ATP10A: variants seen among roughly 807,000 people sequenced by gnomAD.
ATP10A encodes phospholipid-transporting ATPase VA.
Under a neutral mutation model 147.8 loss-of-function variants are expected in ATP10A, and 111 were observed. The observed-to-expected ratio is 0.75, with a 90% confidence interval of 0.64 to 0.88. ATP10A has a LOEUF of 0.88. Ranked by LOEUF, ATP10A falls within the 40% of genes least tolerant of loss-of-function variation. The probability of loss-of-function intolerance (pLI) is 0.00; values close to 1 mark genes in which losing one functional copy is unlikely to be tolerated. For synonymous variants in ATP10A, 875 were observed against 841.6 expected, an observed-to-expected ratio of 1.04 and a Z score of -0.69; for missense variants, 1,927 against 1,959.0, an observed-to-expected ratio of 0.98 and a Z score of 0.31.
intron 2 of ATP10A, among the ~76,000 whole-genome samples, chr15:25,746,864 T>G (rs1887868201): frequency 6.6e-6 from 1 of 152,204 alleles, no homozygotes; most frequent in Non-Finnish European, 1.5e-5. Flanking sequence ...TGTTGGCATA[T>G]GACACCCAAA....
At chr15:25,819,510 A>G (rs1209922812) in intron 1 of ATP10A, among the ~76,000 whole-genome samples, 2 of 152,112 alleles carry the variant, frequency 1.3e-5, no homozygotes, top group Non-Finnish European at 2.9e-5. Flanking sequence ...GGAAAACAAT[A>G]TGGAGATTTC....
intron 7 of ATP10A, among the ~76,000 whole-genome samples, chr15:25,719,479 C>T (rs2014016): frequency 0.47 from 71,486 of 151,936 alleles, 17,026 homozygotes; most frequent in East Asian, 0.73. Flanking sequence ...GAAGCAAGGA[C>T]GCACAGAACC....
intron 2 of ATP10A, among the ~76,000 whole-genome samples, chr15:25,765,216 G>T (rs1005590723): frequency 2.0e-5 from 3 of 152,110 alleles, no homozygotes; most frequent in African/African-American, 7.2e-5. Flanking sequence ...TGGTGGCTTC[G>T]TGGAGAGACA....
intron 2 of ATP10A, among the ~76,000 whole-genome samples, chr15:25,753,161 G>T (rs1028578843): frequency 5.9e-5 from 9 of 151,932 alleles, no homozygotes; most frequent in African/African-American, 1.9e-4. Context: ...ACTATATTCA[G>T]CACACTGTAC....
intron 1 of ATP10A, among the ~76,000 whole-genome samples, chr15:25,844,291 G>A (rs1046142249): frequency 1.3e-5 from 2 of 152,148 alleles, no homozygotes; most frequent in South Asian, 2.1e-4. Flanking sequence ...TCCACGGCAC[G>A]TCTTTGCCAG....
intron 10 of ATP10A, chr15:25,709,689 G>A (rs1480308475): frequency 6.6e-6 from 1 of 152,316 alleles, no homozygotes; most frequent in African/African-American, 2.4e-5. Flanking sequence ...TAGTGACAGG[G>A]AGCACCTGGC....
intron 13 of ATP10A, among the ~76,000 whole-genome samples, chr15:25,697,661 C>G (rs1190733379): frequency 6.6e-6 from 1 of 152,224 alleles, no homozygotes; most frequent in Non-Finnish European, 1.5e-5. Flanking sequence ...AAAAAGCTCA[C>G]TGGATTCTAA....
At position 25,713,640 on chromosome 15, in the gene ATP10A, G is replaced by C. The variant is rs758971424; in HGVS notation, c.2344+34C>G. On this transcript the variant is annotated intron_variant, in intron 10 of 20. Coordinates refer to ENST00000555815, the MANE Select transcript of ATP10A (RefSeq NM_024490.4). ...GATATTTCTCAGGACCTCCTCCCCC[G>C]AGCTGGGGTGCAGCTGGGCAGGGGT... is the stretch of plus-strand genomic sequence containing the variant. 4 of 1,598,526 alleles carry C rather than the reference G, an allele frequency of 2.5e-6. No homozygotes were observed. The East Asian group carries it at 6.7e-5, about 27-fold the overall frequency.
intron 1 of ATP10A, among the ~76,000 whole-genome samples, chr15:25,809,688 T>G (rs1346770749): frequency 7.3e-6 from 1 of 137,308 alleles, no homozygotes; most frequent in Non-Finnish European, 1.6e-5. Flanking sequence ...AGAACAGTGC[T>G]GTTCCCCACA....
chr15:25,674,644 G>C (rs950449019), downstream of ATP10A, among the ~76,000 whole-genome samples: 2 of 152,230 alleles, frequency 1.3e-5, no homozygotes, highest in Admixed American at 1.3e-4. Context: ...TTATTTGCTG[G>C]ACAGCTGGTC....
chr15:25,704,128 G>A (rs949006145), intron 12 of ATP10A, among the ~76,000 whole-genome samples: 6 of 152,222 alleles, frequency 3.9e-5, no homozygotes, highest in East Asian at 1.9e-4. Context: ...TGTGTGGCCC[G>A]TGTCCCTGGC....
At chr15:25,801,032 A>G (rs1261063570) in intron 1 of ATP10A, among the ~76,000 whole-genome samples, 1 of 152,020 alleles carries the variant, frequency 6.6e-6, no homozygotes, top group Non-Finnish European at 1.5e-5. Flanking sequence ...CCTTTTACAA[A>G]ACTAAAAGAG....
chr15:25,826,511 G>A (rs1049821161), intron 1 of ATP10A, among the ~76,000 whole-genome samples: 19 of 152,168 alleles, frequency 1.2e-4, no homozygotes, highest in African/African-American at 3.6e-4. Context: ...GCAGTGAGCC[G>A]ATATTGCACC....
At chr15:25,683,615 CAA>C (rs997566421) in intron 16 of ATP10A, 129 bp from the exon 17 acceptor site, 1 of 889,836 alleles carries the variant, frequency 1.1e-6, no homozygotes, top group Non-Finnish European at 1.7e-6. Flanking sequence ...CGATTTCTGC[CAA>C]AGACAGCCAT....
At chr15:25,791,623 G>A (rs1890432178) in intron 1 of ATP10A, among the ~76,000 whole-genome samples, 1 of 152,118 alleles carries the variant, frequency 6.6e-6, no homozygotes, top group Non-Finnish European at 1.5e-5. Context: ...CTGGGCTCCA[G>A]CAATTCTCCC....
chr15:25,688,454 T>G (rs564142048), intron 15 of ATP10A, among the ~76,000 whole-genome samples: 6 of 152,164 alleles, frequency 3.9e-5, no homozygotes, highest in Non-Finnish European at 8.8e-5. Flanking sequence ...GAGCCTGCCA[T>G]GGAAGCTTCC....
chr15:25,716,325 G>A (rs867353041), intron 9 of ATP10A, among the ~76,000 whole-genome samples: 2 of 150,420 alleles, frequency 1.3e-5, no homozygotes, highest in Middle Eastern at 3.4e-3. Flanking sequence ...GAGGCTCGGG[G>A]AGGTTGTCCT....
chr15:25,840,440 A>G (rs4309366), intron 1 of ATP10A, among the ~76,000 whole-genome samples: 98,590 of 151,550 alleles, frequency 0.65, 33,060 homozygotes, highest in Admixed American at 0.74. Context: ...TCCATTCACC[A>G]AAATCTCCCT....
rs1181079000 is a variant in ATP10A, at chr15:25,711,942, G to A, written c.2344+1732C>T. 3.3e-5 allele frequency among the ~76,000 whole-genome samples: 5 copies of A among 152,262 alleles called. 1 individual carries two copies. The highest frequency in any genetic ancestry group is 3.9e-4 in the East Asian group (2 of 5,146). On this transcript the variant is annotated intron_variant, in intron 10 of 20. Coordinates refer to ENST00000555815, the MANE Select transcript of ATP10A (RefSeq NM_024490.4). Reference sequence around the variant, plus strand: ...GTGCCTTCCCAACTTGCAGACAAACGAGGAAATCCCTGGCTCACTCAGGGG... The same window carrying A: ...GTGCCTTCCCAACTTGCAGACAAACAAGGAAATCCCTGGCTCACTCAGGGG...
Sources: allele counts gnomAD v4.1 joint callset (sites outside exome capture counted in the v4.1 genomes callset), GRCh38; gene constraint gnomAD v4.1.1; transcripts MANE v1.5; gene names NCBI Gene and HGNC (gene_info 2026-07-23, HGNC 2026-07-21).